The following LRRIQ1 variants were observed in gnomAD, a reference collection of about 807,000 sequenced individuals.
The protein encoded by LRRIQ1 is leucine-rich repeat- and IQ domain-containing protein 1.
In LRRIQ1, 210 loss-of-function variants were observed where a neutral mutation model predicts 211.9. That is an observed-to-expected ratio of 0.99 (90% CI 0.89 to 1.11). The LOEUF (loss-of-function observed/expected upper bound fraction) is 1.11, where lower values mean the gene tolerates loss of function less well. LRRIQ1 is among the 50% of genes most tolerant of loss of function. The pLI is 0.00. For missense variants in LRRIQ1, 2,136 were observed against 1,939.5 expected, an observed-to-expected ratio of 1.10 and a Z score of -1.90; for synonymous variants, 699 against 650.1, an observed-to-expected ratio of 1.08 and a Z score of -1.14.
intron 23 of LRRIQ1, 116 bp from the exon 24 acceptor site, chr12:85,160,497 T>C (rs957943900): frequency 7.2e-6 from 4 of 553,644 alleles, no homozygotes; most frequent in Non-Finnish European, 1.3e-5. Context: ...ATCAATTTCA[T>C]AGAGCTTTAT....
Position 85,153,092 on chromosome 12 carries a change from A to G in LRRIQ1, c.4488A>G (p.Leu1496=), listed in dbSNP as rs750167016. The G allele has an allele frequency of 6.3e-7, 1 of 1,588,266 alleles. No homozygotes were observed. Among genetic ancestry groups the G allele is most frequent in the East Asian group, 2.3e-5 (1 of 43,896 alleles). The change falls in exon 21 of 27, where the codon TTA becomes TTG. Residue 1496 remains leucine, a synonymous_variant. Transcript: ENST00000393217. The stretch of plus-strand genomic sequence containing the variant: ...CAAGTAATCCAGCTCAAGCATGGTT[A>G]TGTAATGACAAAGAAAATTTGTCTT... ...NLPSNPAQAW[L]CNDKENLSSS...
At chr12:85,158,833 ATACTGTT>A (rs960316538) in intron 23 of LRRIQ1, among the ~76,000 whole-genome samples, 1 of 151,276 alleles carries the variant, frequency 6.6e-6, no homozygotes, top group African/African-American at 2.4e-5. Context: ...GTAACAAACT[ATACTGTT>A]TACAATTACC....
At position 85,170,088 on chromosome 12, in the gene LRRIQ1, A is replaced by G. The variant is rs553230826; in HGVS notation, c.4822+9374A>G. ...ACAAACTATAACTTTTAAAACGTTT[A>G]TATCTGGATAAGGTAGATTCAGGGA... On this transcript the variant is annotated intron_variant, in intron 24 of 26. Coordinates refer to ENST00000393217, the MANE Select transcript of LRRIQ1 (RefSeq NM_001079910.2). Among the ~76,000 whole-genome samples, 6 of 152,186 alleles carry G rather than the reference A, an allele frequency of 3.9e-5. No homozygotes were observed. The South Asian group carries it at 1.2e-3, about 32-fold the overall frequency.
At chr12:85,208,540 G>A (rs1893677751) in intron 24 of LRRIQ1, among the ~76,000 whole-genome samples, 1 of 151,926 alleles carries the variant, frequency 6.6e-6, no homozygotes, top group Non-Finnish European at 1.5e-5. Flanking sequence ...TTAAGATAGT[G>A]GATTCATCAG....
intron 24 of LRRIQ1, among the ~76,000 whole-genome samples, chr12:85,199,635 G>T (rs1309489340): frequency 6.6e-6 from 1 of 152,140 alleles, no homozygotes; most frequent in African/African-American, 2.4e-5. Flanking sequence ...TGCTGGGGGA[G>T]GCCTCAGGAT....
chr12:85,242,638 A>G (rs1172324336), intron 26 of LRRIQ1, among the ~76,000 whole-genome samples: 2 of 151,946 alleles, frequency 1.3e-5, no homozygotes, highest in African/African-American at 4.8e-5. Flanking sequence ...AACACTAAGC[A>G]GAGAATGATG....
intron 24 of LRRIQ1, among the ~76,000 whole-genome samples, chr12:85,211,993 ATGG>A (rs1893859078): frequency 6.6e-6 from 1 of 152,162 alleles, no homozygotes; most frequent in African/African-American, 2.4e-5. Context: ...GGGGCCAAGC[ATGG>A]TGGTTCACAC....
At chr12:85,080,069 G>T (rs979202450) in intron 11 of LRRIQ1, among the ~76,000 whole-genome samples, 1 of 151,788 alleles carries the variant, frequency 6.6e-6, no homozygotes, top group East Asian at 1.9e-4. Context: ...ATACACACGC[G>T]CACACACGTA....
chr12:85,128,099 T>C (rs965988801), intron 18 of LRRIQ1, 66 bp downstream of exon 18: 199 of 1,207,668 alleles, frequency 1.6e-4, no homozygotes, highest in Non-Finnish European at 2.2e-4. Flanking sequence ...TGATTTATTC[T>C]GTATTAAAAA....
In LRRIQ1 at chr12:85,213,046, T is replaced by C. The variant is rs1004057158; in HGVS notation, c.4823-16471T>C. On this transcript the variant is annotated intron_variant, in intron 24 of 26. Transcript: ENST00000393217. ...CTTGAATTACATATAAATGATTAAA[T>C]AGCCCAGGTAGCAAATAGTAATTAT... Among the ~76,000 whole-genome samples the C allele has an allele frequency of 2.6e-5, 4 of 151,536 alleles. No homozygotes were observed. In the East Asian group the frequency reaches 7.7e-4, roughly 29 times the overall value.
At chr12:85,117,793 C>T (rs1377474933) in intron 15 of LRRIQ1, among the ~76,000 whole-genome samples, 1 of 152,164 alleles carries the variant, frequency 6.6e-6, no homozygotes, top group African/African-American at 2.4e-5. Flanking sequence ...TTTATTGTCA[C>T]ATCTTAAAAA....
At chr12:85,179,797 C>G (rs1408397019) in intron 24 of LRRIQ1, among the ~76,000 whole-genome samples, 1 of 151,884 alleles carries the variant, frequency 6.6e-6, no homozygotes, top group Non-Finnish European at 1.5e-5. Context: ...TCCTAATACA[C>G]CAAGCCTCCC....
At chr12:85,170,755 T>G (rs1891377436) in intron 24 of LRRIQ1, among the ~76,000 whole-genome samples, 1 of 151,884 alleles carries the variant, frequency 6.6e-6, no homozygotes. Flanking sequence ...GCTGGAAAAT[T>G]TTTGTTTTAA....
chr12:85,207,602 C>A (rs1417962708), intron 24 of LRRIQ1, among the ~76,000 whole-genome samples: 1 of 152,040 alleles, frequency 6.6e-6, no homozygotes, highest in African/African-American at 2.4e-5. Context: ...TCACCAAACC[C>A]AAGAACACCT....
intron 5 of LRRIQ1, among the ~76,000 whole-genome samples, chr12:85,046,816 G>A (rs570518569): frequency 3.3e-5 from 5 of 152,196 alleles, no homozygotes; most frequent in African/African-American, 9.6e-5. Flanking sequence ...GGAATATTAC[G>A]CAGCCATAAA....
At position 85,038,237 on chromosome 12, in the gene LRRIQ1, A is replaced by G. The variant is rs767102858; in HGVS notation, c.61A>G (p.Ile21Val). 8 of 1,586,774 alleles carry G rather than the reference A, an allele frequency of 5.0e-6. No individual in the cohort carries two copies. The South Asian group carries it at 8.0e-5, about 16-fold the overall frequency. The change falls in exon 2 of 27, where the codon ATT becomes GTT. Residue 21 changes from isoleucine to valine, a missense_variant. Coordinates refer to ENST00000393217, the MANE Select transcript of LRRIQ1 (RefSeq NM_001079910.2). ...AGAAGCTGAATTGGATAAACTCAGC[A>G]TTTCCTCCTTGGAAAAAGAAGACAT... is the stretch of plus-strand genomic sequence containing the variant. ...EIEAELDKLS[I>V]SSLEKEDIES...
intron 24 of LRRIQ1, among the ~76,000 whole-genome samples, chr12:85,193,076 T>A (rs1198479530): frequency 1.7e-5 from 2 of 118,078 alleles, no homozygotes; most frequent in Non-Finnish European, 3.3e-5. Flanking sequence ...TATTATATTT[T>A]ATTATATATA....
chr12:85,171,165 A>G (rs1371640101), intron 24 of LRRIQ1, among the ~76,000 whole-genome samples: 3 of 152,152 alleles, frequency 2.0e-5, no homozygotes, highest in Non-Finnish European at 4.4e-5. Flanking sequence ...TCAGCAGGAT[A>G]TTAAACCTAT....
intron 1 of LRRIQ1, among the ~76,000 whole-genome samples, chr12:85,257,046 TTA>T (rs541495250): frequency 2.2e-4 from 24 of 108,508 alleles, no homozygotes; most frequent in African/African-American, 4.2e-4. Context: ...TATTATATAA[TTA>T]TATATATAAT....
Sources: gnomAD v4.1 joint callset for allele counts (sites outside exome capture counted in the v4.1 genomes callset) on GRCh38, gnomAD v4.1.1 for gene constraint, MANE v1.5 for transcripts, NCBI Gene and HGNC (gene_info 2026-07-23, HGNC 2026-07-21) for gene names.